SLC16A12: variants seen among roughly 807,000 people sequenced by gnomAD.
The protein encoded by SLC16A12 is monocarboxylate transporter 12.
SLC16A12 carries 17 observed loss-of-function variants against 42.4 expected under a neutral mutation model. The ratio of observed to expected loss-of-function variants is 0.40; its 90% CI spans 0.27 to 0.60. The LOEUF is 0.60. Ranked by LOEUF, SLC16A12 falls within the 20% of genes least tolerant of loss-of-function variation. The pLI is 0.42. For synonymous variants in SLC16A12, 224 were observed against 229.4 expected (o/e 0.98, Z 0.21); for missense variants, 544 against 623.0 (o/e 0.87, Z 1.35).
chr10:89,471,957 T>C (rs1454642787), intron 2 of SLC16A12, among the ~76,000 whole-genome samples: 1 of 152,198 alleles, frequency 6.6e-6, no homozygotes, highest in Non-Finnish European at 1.5e-5. Context: ...ATTATGCCTA[T>C]ATTTTACTAG....
At chr10:89,514,915 A>C (rs1029839613) in intron 2 of SLC16A12, among the ~76,000 whole-genome samples, 1 of 152,098 alleles carries the variant, frequency 6.6e-6, no homozygotes, top group African/African-American at 2.4e-5. Flanking sequence ...ACATGGTGAA[A>C]CCTCGTCTCT....
intron 2 of SLC16A12, among the ~76,000 whole-genome samples, chr10:89,545,912 A>C (rs958655817): frequency 1.3e-5 from 2 of 152,178 alleles, no homozygotes; most frequent in Non-Finnish European, 1.5e-5. Flanking sequence ...ATCTACAACA[A>C]ACTGGACAAA....
At chr10:89,473,017 C>T (rs536488056) in intron 2 of SLC16A12, among the ~76,000 whole-genome samples, 3 of 151,662 alleles carry the variant, frequency 2.0e-5, no homozygotes, top group African/African-American at 7.3e-5. Flanking sequence ...TGAGGTTTCA[C>T]TATGTTTCTC....
intron 3 of SLC16A12, among the ~76,000 whole-genome samples, chr10:89,461,846 G>A (rs1200269589): frequency 6.6e-6 from 1 of 152,130 alleles, no homozygotes; most frequent in Admixed American, 6.5e-5. Flanking sequence ...CCCCAGAAAA[G>A]TGATTTCATT....
intron 2 of SLC16A12, among the ~76,000 whole-genome samples, chr10:89,470,867 A>G (rs1842481111): frequency 1.3e-5 from 2 of 152,178 alleles, no homozygotes; most frequent in East Asian, 3.9e-4. Flanking sequence ...ATGAGAACTT[A>G]GAAAACAACC....
In SLC16A12 at chr10:89,485,071, T is replaced by C. The variant is rs1842725351; in HGVS notation, c.-46-22447A>G. Among the ~76,000 whole-genome samples the C allele has an allele frequency of 2.0e-5, 3 of 152,294 alleles. No individual in the cohort carries two copies. In the South Asian group the frequency reaches 6.2e-4, roughly 32 times the overall value. On this transcript the variant is annotated intron_variant, in intron 2 of 7. Transcript: ENST00000371790. ...TGAGGAGCCACCTTCTGCCTGTATA[T>C]AGAGCAGCCGAGAACCAGGGGAACA... is the stretch of plus-strand genomic sequence containing the variant.
chr10:89,498,582 A>G (rs928134378), intron 2 of SLC16A12, among the ~76,000 whole-genome samples: 1 of 152,220 alleles, frequency 6.6e-6, no homozygotes, highest in East Asian at 1.9e-4. Context: ...GGCAGTCATG[A>G]TCAGAGAGTT....
chr10:89,522,045 A>G (rs1365043277), intron 2 of SLC16A12, among the ~76,000 whole-genome samples: 1 of 152,136 alleles, frequency 6.6e-6, no homozygotes, highest in East Asian at 1.9e-4. Context: ...CCCAGTCAAC[A>G]TCTATCCAGC....
At chr10:89,499,447 G>A (rs911544931) in intron 2 of SLC16A12, among the ~76,000 whole-genome samples, 12 of 152,190 alleles carry the variant, frequency 7.9e-5, no homozygotes, top group Admixed American at 5.2e-4. Context: ...CCAGCTACTC[G>A]GGAGGCTGAG....
At chr10:89,487,055 G>T (rs541306484) in intron 2 of SLC16A12, among the ~76,000 whole-genome samples, 33 of 152,256 alleles carry the variant, frequency 2.2e-4, no homozygotes, top group African/African-American at 7.2e-4. Context: ...TCAAAAGGAC[G>T]ATCCCCAGCA....
intron 6 of SLC16A12, among the ~76,000 whole-genome samples, chr10:89,436,868 AAAAGAAAGAAAGAAAG>A (rs370756736): frequency 3.1e-4 from 37 of 120,514 alleles, no homozygotes; most frequent in African/African-American, 7.5e-4. Context: ...GAAATAAAGA[AAAAGAAAGAAAGAAAG>A]AAAGAAAGAA....
rs559651910 is a variant in SLC16A12 at position 89,481,664 on chromosome 10, T to TGTGTGTGA, written c.-46-19041_-46-19040insTCACACAC. Among the ~76,000 whole-genome samples the TGTGTGTGA allele has an allele frequency of 8.9e-3, 1,247 of 139,512 alleles. 17 individuals carry two copies. Among genetic ancestry groups the TGTGTGTGA allele is most frequent in the African/African-American group, 0.031 (1,150 of 37,696 alleles). 91.5% of individuals were successfully genotyped at this position (139,512 alleles called of 152,430 possible). A position where few individuals can be genotyped will look rare whatever the true frequency, so the allele number is the denominator to read the frequency against. On this transcript the variant is annotated intron_variant, in intron 2 of 7. Transcript: ENST00000371790. ...TTTCTTGTGTGTGTGTGTGTGTGTG[T>TGTGTGTGA]GAGAGAGAGAGAGAGTGTGTGTGTG...
upstream of SLC16A12, among the ~76,000 whole-genome samples, chr10:89,538,017 A>G (rs1843691728): frequency 6.6e-6 from 1 of 152,244 alleles, no homozygotes; most frequent in South Asian, 2.1e-4. Flanking sequence ...CCGGATACAG[A>G]CGGGTCACTT....
intron 2 of SLC16A12, among the ~76,000 whole-genome samples, chr10:89,546,509 C>T (rs1463241023): frequency 6.6e-6 from 1 of 152,018 alleles, no homozygotes; most frequent in Non-Finnish European, 1.5e-5. Flanking sequence ...GTCAGAATGG[C>T]GATTATTAAA....
At chr10:89,467,908 T>C (rs1274015293) in intron 2 of SLC16A12, 1 of 152,200 alleles carries the variant, frequency 6.6e-6, no homozygotes, top group Non-Finnish European at 1.5e-5. Flanking sequence ...AGAGGACACA[T>C]TGTAGGCAAC....
At chr10:89,538,204 A>G (rs918658059), upstream of SLC16A12, among the ~76,000 whole-genome samples, 1 of 152,250 alleles carries the variant, frequency 6.6e-6, no homozygotes, top group African/African-American at 2.4e-5. Flanking sequence ...AAGCAAAGCA[A>G]AGGAACCCTA....
chr10:89,535,230 G>T (rs1843634181), intron 1 of SLC16A12, among the ~76,000 whole-genome samples: 2 of 152,018 alleles, frequency 1.3e-5, no homozygotes, highest in African/African-American at 4.8e-5. Context: ...CTCGGCCGCA[G>T]CGCAGACCCA....
chr10:89,440,028 G>A (rs186160607), intron 5 of SLC16A12, among the ~76,000 whole-genome samples: 4 of 123,626 alleles, frequency 3.2e-5, no homozygotes, highest in Admixed American at 2.1e-4. Context: ...CTGAGATTGC[G>A]CCACTGCACT....
At chr10:89,530,944 T>C (rs1843541556) in intron 2 of SLC16A12, among the ~76,000 whole-genome samples, 1 of 152,214 alleles carries the variant, frequency 6.6e-6, no homozygotes, top group East Asian at 1.9e-4. Context: ...ATCTGGCTTC[T>C]TTCACTTAGC....
Sources: gnomAD v4.1 joint callset for allele counts (sites outside exome capture counted in the v4.1 genomes callset) on GRCh38, gnomAD v4.1.1 for gene constraint, MANE v1.5 for transcripts, NCBI Gene and HGNC (gene_info 2026-07-23, HGNC 2026-07-21) for gene names.